Variants in NKPD1 observed in about 807,000 individuals in gnomAD.
The protein encoded by NKPD1 is NTPase KAP family P-loop domain-containing protein 1.
Under a neutral mutation model 42.2 loss-of-function variants are expected in NKPD1, and 37 were observed. The ratio of observed to expected loss-of-function variants is 0.88; its 90% CI spans 0.67 to 1.15. The LOEUF (loss-of-function observed/expected upper bound fraction) is 1.15, where lower values mean the gene tolerates loss of function less well. NKPD1 is among the 50% of genes most tolerant of loss of function. NKPD1 has a pLI of 0.00. For missense variants in NKPD1, 1,113 were observed against 1,174.6 expected (o/e 0.95, Z 0.77); for synonymous variants, 552 against 536.5 (o/e 1.03, Z -0.40).
At chr19:45,159,152 G>A (rs1161710092) in intron 2 of NKPD1, 52 bp from the exon 3 acceptor site, 4 of 1,244,904 alleles carry the variant, frequency 3.2e-6, no homozygotes, top group African/African-American at 3.2e-5. Context: ...ACCCCCGGGG[G>A]CACCGGCACA....
rs541174396 is a variant in NKPD1, at chr19:45,154,801, G to T, written c.661+984C>A. Among the ~76,000 whole-genome samples the T allele has an allele frequency of 5.3e-5, 8 of 152,208 alleles. No individual in the cohort carries two copies. In the East Asian group the frequency reaches 1.2e-3, roughly 22 times the overall value. ...ACTTTTTGGGAGGCCGAGGTGGGCGGATCACATGAGGTCAGGAGTTCAAGA... is the reference window on the plus strand; with the variant it reads ...ACTTTTTGGGAGGCCGAGGTGGGCGTATCACATGAGGTCAGGAGTTCAAGA... On this transcript the variant is annotated intron_variant, in intron 4 of 4. Transcript: ENST00000686631.
At position 45,158,569 on chromosome 19, in the gene NKPD1, A is replaced by T; in HGVS notation, c.529+94T>A. The T allele has an allele frequency of 8.9e-7, 1 of 1,122,008 alleles. No individual in the cohort carries two copies. The highest frequency in any genetic ancestry group is 1.1e-6 in the Non-Finnish European group (1 of 909,258). The allele number at this position is 1,122,008 out of a possible 1,614,324, so 69.5% of individuals were successfully genotyped here. A position where few individuals can be genotyped will look rare whatever the true frequency, so the allele number is the denominator to read the frequency against. On this transcript the variant is annotated intron_variant, in intron 3 of 4. Transcript: ENST00000686631. This position sits in a 1 kb window ranked among gnomAD's most constrained non-coding sequence, Gnocchi z 4.6. ...GGAACAGGGTGTGGATGAAGAGGGC[A>T]GGTGCAAGATGCTAGGCAGGGAGCA...
rs1203756105 is a variant in NKPD1, at chr19:45,150,521, CAG to C, written c.*1415_*1416del. On this transcript the variant is annotated 3_prime_UTR_variant, in exon 5 of 5. Transcript: ENST00000686631. ...GACCCCAACCACACATCTACAGAAA[CAG>C]ACTTAACGGTGTCACGAGGCCCCAT... 1 of 152,220 alleles carries C rather than the reference CAG, an allele frequency of 6.6e-6. No individual in the cohort carries two copies. Among genetic ancestry groups the C allele is most frequent in the Non-Finnish European group, 1.5e-5 (1 of 68,054 alleles). 9.4% of individuals were successfully genotyped at this position (152,220 alleles called of 1,614,324 possible).
chr19:45,150,271 T>C lies in NKPD1; in HGVS notation c.*1667A>G, dbSNP rs1968754757. 1 of 152,160 alleles carries C rather than the reference T, an allele frequency of 6.6e-6. No homozygotes were observed. The highest frequency in any genetic ancestry group is 2.4e-5 in the African/African-American group (1 of 41,418). The allele number at this position is 152,160 out of a possible 1,614,324, so 9.4% of individuals were successfully genotyped here. A position where few individuals can be genotyped will look rare whatever the true frequency, so the allele number is the denominator to read the frequency against. ...TGCCCAGCTAATCTTTTTGTATTTT[T>C]ATTAGAGACAGGGCTTCACCATGTT... On this transcript the variant is annotated 3_prime_UTR_variant, in exon 5 of 5. Transcript: ENST00000686631.
At chr19:45,156,298 T>C (rs1273226398) in intron 3 of NKPD1, among the ~76,000 whole-genome samples, 8 of 152,138 alleles carry the variant, frequency 5.3e-5, no homozygotes, top group Non-Finnish European at 1.2e-4. Flanking sequence ...AAGACACCAC[T>C]TTCCACCATC....
upstream of NKPD1, among the ~76,000 whole-genome samples, chr19:45,162,257 C>G (rs1185141715): frequency 6.6e-6 from 1 of 152,164 alleles, no homozygotes; most frequent in African/African-American, 2.4e-5. Flanking sequence ...GCGGGCAGCA[C>G]TGCAGAGGCA....
chr19:45,151,731 T>G lies in NKPD1; in HGVS notation c.*207A>C, dbSNP rs1968780926. ...ATGTATACCCTGACTTCCTCACTGG[T>G]CCTTCTGTGCCTGCTCTCATGCTGG... On this transcript the variant is annotated 3_prime_UTR_variant, in exon 5 of 5. Transcript: ENST00000686631. 2.0e-6 allele frequency: 1 copy of G among 511,546 alleles called. No homozygotes were observed. The highest frequency in any genetic ancestry group is 3.4e-6 in the Non-Finnish European group (1 of 296,084). The allele number at this position is 511,546 out of a possible 1,614,324, so 31.7% of individuals were successfully genotyped here. A position where few individuals can be genotyped will look rare whatever the true frequency, so the allele number is the denominator to read the frequency against.
intron 4 of NKPD1, among the ~76,000 whole-genome samples, chr19:45,155,050 G>T (rs552893190): frequency 1.3e-5 from 2 of 149,908 alleles, no homozygotes; most frequent in East Asian, 3.9e-4. Context: ...AAAAGGCCAG[G>T]TGCAGTGGCT....
Position 45,153,494 on chromosome 19 carries a change from C to T in NKPD1, c.943G>A (p.Val315Met). ...RRHYGALPFSVYSVLGNKPAT... is the reference protein window; with the variant it reads ...RRHYGALPFSMYSVLGNKPAT... ...GGCTTGTTGCCCAGCACCGAGTACA[C>T]GCTGAAGGGCAGTGCGCCATAGTGG... The change falls in exon 5 of 5, where the codon GTG becomes ATG. Residue 315 changes from valine (V) to methionine (M), a missense_variant. Val to Met is a conservative substitution (Grantham distance 21). Around this residue, in one of 3 missense-constraint regions of NKPD1, gnomAD observed 867 missense variants for 870.1 expected, o/e 1.00. Transcript: ENST00000686631. 1 of 1,556,336 alleles carries T rather than the reference C, an allele frequency of 6.4e-7. No homozygotes were observed. Among genetic ancestry groups the T allele is most frequent in the East Asian group, 2.4e-5 (1 of 42,394 alleles).
Position 45,153,210 on chromosome 19 carries a change from CTTGCGCTGGCT to C in NKPD1, c.1216_1226del (p.Ser406GlufsTer9). ...CACGCGACACCAGCCGCTCGATCTT[CTTGCGCTGGCT>C]TACGAACAGGTGCTTGCCCACCGAG... On this transcript the variant is annotated frameshift_variant, in exon 5 of 5. Transcript: ENST00000686631. LOFTEE classifies it high-confidence loss of function. 1 of 1,594,768 alleles carries C rather than the reference CTTGCGCTGGCT, an allele frequency of 6.3e-7. No individual in the cohort carries two copies.
chr19:45,158,303 G>C lies in NKPD1; in HGVS notation c.529+360C>G, dbSNP rs575575838. 2.3e-3 allele frequency among the ~76,000 whole-genome samples: 343 copies of C among 152,328 alleles called. 3 individuals carry two copies. The highest frequency in any genetic ancestry group is 8.0e-3 in the African/African-American group (331 of 41,570). ...ACGCCAGAGCCAGCCAACAACCCAGGGCTCACCATCCCTGCCCCATGTACC... is the reference window on the plus strand; with the variant it reads ...ACGCCAGAGCCAGCCAACAACCCAGCGCTCACCATCCCTGCCCCATGTACC... On this transcript the variant is annotated intron_variant, in intron 3 of 4. Coordinates refer to ENST00000686631, the MANE Select transcript of NKPD1 (RefSeq NM_198478.4). The surrounding 1 kb of genome is among the most constrained non-coding windows in gnomAD (Gnocchi z 4.6).
At position 45,155,780 on chromosome 19, in the gene NKPD1, C is replaced by T. The variant is rs984377031; in HGVS notation, c.661+5G>A. ...TCCCCCCAACAAACACACACAGCTC[C>T]TCACCCGTGATCTTGTCCAGCATCA... On this transcript the variant is annotated splice_donor_5th_base_variant and intron_variant, in intron 4 of 4. Coordinates refer to ENST00000686631, the MANE Select transcript of NKPD1 (RefSeq NM_198478.4). 1 of 1,301,384 alleles carries T rather than the reference C, an allele frequency of 7.7e-7. No homozygotes were observed. The highest frequency in any genetic ancestry group is 1.0e-6 in the Non-Finnish European group (1 of 985,648). The allele number at this position is 1,301,384 out of a possible 1,614,324, so 80.6% of individuals were successfully genotyped here. A position where few individuals can be genotyped will look rare whatever the true frequency, so the allele number is the denominator to read the frequency against.
rs1208925775 is a variant in NKPD1 at position 45,160,107 on chromosome 19, C to T, written c.44G>A (p.Ser15Asn). The T allele has an allele frequency of 7.7e-7, 1 of 1,305,026 alleles. No individual in the cohort carries two copies. The highest frequency in any genetic ancestry group is 2.3e-5 in the Admixed American group (1 of 43,538). 80.8% of individuals were successfully genotyped at this position (1,305,026 alleles called of 1,614,324 possible). The change falls in exon 2 of 5, where the codon AGC becomes AAC. Residue 15 changes from serine to asparagine, a missense_variant. This residue lies in a region of NKPD1 where 204 missense variants were observed against 227.8 expected (regional missense o/e 0.90). Coordinates refer to ENST00000686631, the MANE Select transcript of NKPD1 (RefSeq NM_198478.4). ...YKVHFAKDAQ[S>N]PNGHYFWDPE... is the part of the protein sequence containing the mutation. ...GTCCCAGAAGTAGTGCCCGTTGGGGCTCTGGGCATCCTTGGCGAAGTGGAC... is the reference window on the plus strand; with the variant it reads ...GTCCCAGAAGTAGTGCCCGTTGGGGTTCTGGGCATCCTTGGCGAAGTGGAC...
Position 45,152,570 on chromosome 19 carries a change from G to A in NKPD1, c.1867C>T (p.Arg623Trp), listed in dbSNP as rs1474683569. 3.8e-6 allele frequency: 6 copies of A among 1,585,644 alleles called. No individual in the cohort carries two copies. The highest frequency in any genetic ancestry group is 1.1e-5 in the South Asian group (1 of 89,424). ...ATGGGCACGGTGTTGACGATGCGCC[G>A]CATGGACACCACGTTGTCGGGCACG... ...EYVPDNVVSMRRIVNTVPITV... is the reference protein window; with the variant it reads ...EYVPDNVVSMWRIVNTVPITV... Residue 623 changes from arginine to tryptophan, a missense_variant, in exon 5 of 5, where the codon CGG (arginine) becomes TGG (tryptophan). By Grantham distance (101) the Arg-to-Trp change is moderately radical. This residue lies in a region of NKPD1 where 867 missense variants were observed against 870.1 expected (regional missense o/e 1.00). Transcript: ENST00000686631.
At chr19:45,153,932 AGCCG>A in intron 4 of NKPD1, 157 bp from the exon 5 acceptor site, 1 of 717,454 alleles carries the variant, frequency 1.4e-6, no homozygotes, top group Non-Finnish European at 2.0e-6. Context: ...AAGAGCTGGA[AGCCG>A]GTGCAGAAGC....
At position 45,152,328 on chromosome 19, in the gene NKPD1, G is replaced by A; in HGVS notation, c.2109C>T (p.Thr703=). 6.2e-7 allele frequency: 1 copy of A among 1,608,730 alleles called. No homozygotes were observed. Among genetic ancestry groups the A allele is most frequent in the East Asian group, 2.2e-5 (1 of 44,688 alleles). ...VFRDNSRELH[T]MTKALQNVLD... is the part of the protein sequence containing the mutation. ...GCACGTTCTGCAACGCCTTGGTCAT[G>A]GTGTGCAGCTCGCGGCTGTTGTCGC... The change falls in exon 5 of 5, where the codon ACC becomes ACT. Residue 703 remains threonine, a synonymous_variant. Coordinates refer to ENST00000686631, the MANE Select transcript of NKPD1 (RefSeq NM_198478.4).
At position 45,152,698 on chromosome 19, in the gene NKPD1, G is replaced by A; in HGVS notation, c.1739C>T (p.Ala580Val). Residue 580 changes from alanine to valine, a missense_variant, in exon 5 of 5, where the codon GCG (alanine) becomes GTG (valine). Around this residue, in one of 3 missense-constraint regions of NKPD1, gnomAD observed 867 missense variants for 870.1 expected, o/e 1.00. Transcript: ENST00000686631. ...GCGGCCCTGCCCGCGCTCCGTCCCC[G>A]CCTGCGCCTGCACCGCCAGCAGCTG... ...SAQLLAVQAQAGTERGQGRID... is the reference protein window; with the variant it reads ...SAQLLAVQAQVGTERGQGRID... The A allele has an allele frequency of 6.4e-7, 1 of 1,552,278 alleles. No individual in the cohort carries two copies. Among genetic ancestry groups the A allele is most frequent in the Non-Finnish European group, 8.7e-7 (1 of 1,154,484 alleles).
At chr19:45,157,251 C>T (rs1247143188) in intron 3 of NKPD1, among the ~76,000 whole-genome samples, 1 of 152,238 alleles carries the variant, frequency 6.6e-6, no homozygotes, top group Non-Finnish European at 1.5e-5. Flanking sequence ...TGGGCAAAAG[C>T]CGAAGTACTG....
chr19:45,157,719 C>CATTT (rs35196470), intron 3 of NKPD1, among the ~76,000 whole-genome samples: 2 of 83,352 alleles, frequency 2.4e-5, no homozygotes, highest in Admixed American at 1.4e-4. Context: ...CCCAGACATA[C>CATTT]TTTTTTTTTT....
Sources: gnomAD v4.1 joint callset for allele counts (sites outside exome capture counted in the v4.1 genomes callset) on GRCh38, gnomAD v4.1.1 for gene constraint, gnomAD v4.1.1 regional missense constraint, Gnocchi (gnomAD v3.1) non-coding constraint, MANE v1.5 for transcripts, NCBI Gene and HGNC (gene_info 2026-07-23, HGNC 2026-07-21) for gene names.